Variants in GULP1 observed in about 807,000 individuals in gnomAD.
The protein encoded by GULP1 is GULP PTB domain containing engulfment adaptor 1.
A neutral mutation model predicts 40.9 loss-of-function variants in GULP1; 19 were observed. The ratio of observed to expected loss-of-function variants is 0.46; its 90% confidence interval spans 0.32 to 0.68. The LOEUF is 0.68. GULP1 is among the 30% of genes least tolerant of loss of function. GULP1 has a pLI of 0.03. For synonymous variants in GULP1, 119 were observed against 117.6 expected (o/e 1.01, Z -0.08); for missense variants, 312 against 362.2 (o/e 0.86, Z 1.12).
intron 2 of GULP1, among the ~76,000 whole-genome samples, chr2:188,442,686 G>C (rs2058042859): frequency 6.6e-6 from 1 of 152,120 alleles, no homozygotes; most frequent in Non-Finnish European, 1.5e-5. Context: ...TTCCTCATCT[G>C]TAAAATTGGG....
chr2:188,300,353 GAAT>G (rs1158291808), intron 1 of GULP1, among the ~76,000 whole-genome samples: 1 of 152,044 alleles, frequency 6.6e-6, no homozygotes, highest in Non-Finnish European at 1.5e-5. Context: ...CAATTTTTAT[GAAT>G]AATATTGAAA....
intron 6 of GULP1, among the ~76,000 whole-genome samples, chr2:188,537,372 T>C (rs956586103): frequency 2.6e-5 from 4 of 152,092 alleles, no homozygotes; most frequent in Non-Finnish European, 5.9e-5. Flanking sequence ...ATGCCTAGTT[T>C]GTACAGGGAT....
At chr2:188,487,072 AATT>A in intron 4 of GULP1, among the ~76,000 whole-genome samples, 1 of 152,088 alleles carries the variant, frequency 6.6e-6, no homozygotes, top group African/African-American at 2.4e-5. Context: ...TTAATGCAGA[AATT>A]TAAAAAATTC....
intron 1 of GULP1, among the ~76,000 whole-genome samples, chr2:188,337,105 T>C (rs1053323544): frequency 6.8e-6 from 1 of 146,820 alleles, no homozygotes; most frequent in African/African-American, 2.5e-5. Context: ...TCTATATCTA[T>C]ATCTATATCT....
chr2:188,474,579 C>T (rs565707715), intron 2 of GULP1, among the ~76,000 whole-genome samples: 77 of 152,282 alleles, frequency 5.1e-4, no homozygotes, highest in Non-Finnish European at 8.8e-4. Flanking sequence ...CTCAGAAATG[C>T]TCCTGCTGAG....
intron 7 of GULP1, among the ~76,000 whole-genome samples, chr2:188,567,416 G>A (rs1559387062): frequency 6.6e-6 from 1 of 152,082 alleles, no homozygotes; most frequent in African/African-American, 2.4e-5. Context: ...ATAAAGAAAA[G>A]GTGGTACATA....
chr2:188,373,991 A>T (rs1048692604), intron 1 of GULP1, among the ~76,000 whole-genome samples: 9 of 152,050 alleles, frequency 5.9e-5, no homozygotes, highest in African/African-American at 2.2e-4. Flanking sequence ...GATGTAATTA[A>T]TAGAATATCA....
chr2:188,320,565 G>A (rs1418131495), intron 1 of GULP1, among the ~76,000 whole-genome samples: 1 of 152,006 alleles, frequency 6.6e-6, no homozygotes, highest in Non-Finnish European at 1.5e-5. Flanking sequence ...TTACAAAAAT[G>A]TATGCATTTG....
intron 1 of GULP1, among the ~76,000 whole-genome samples, chr2:188,348,728 C>T (rs764581500): frequency 5.3e-5 from 8 of 152,260 alleles, no homozygotes; most frequent in Non-Finnish European, 1.0e-4. Flanking sequence ...CACCCAGCTT[C>T]TCCAGTGGTA....
chr2:188,513,492 T>A (rs2064822272), intron 4 of GULP1, among the ~76,000 whole-genome samples: 1 of 152,192 alleles, frequency 6.6e-6, no homozygotes, highest in African/African-American at 2.4e-5. Flanking sequence ...AATATTGTCA[T>A]TGGCCGATCA....
intron 11 of GULP1, chr2:188,592,188 A>G (rs1703695782): frequency 1.3e-5 from 2 of 151,976 alleles, no homozygotes; most frequent in African/African-American, 4.8e-5. Context: ...TTTCAGGGTA[A>G]TTGAAGTGAT....
chr2:188,470,793 GT>G (rs1318434768), intron 2 of GULP1, among the ~76,000 whole-genome samples: 1 of 152,048 alleles, frequency 6.6e-6, no homozygotes, highest in Non-Finnish European at 1.5e-5. Flanking sequence ...TATTATTTCA[GT>G]TTTTTGAATA....
At chr2:188,378,225 T>G (rs2048538016) in intron 1 of GULP1, among the ~76,000 whole-genome samples, 1 of 151,854 alleles carries the variant, frequency 6.6e-6, no homozygotes, top group Admixed American at 6.6e-5. Context: ...TACAGTCATT[T>G]TAGTCACTAC....
At chr2:188,549,049 A>G (rs915856661) in intron 7 of GULP1, among the ~76,000 whole-genome samples, 1 of 151,884 alleles carries the variant, frequency 6.6e-6, no homozygotes, top group African/African-American at 2.4e-5. Context: ...GGGCTAGGAA[A>G]AGAGTTCTTA....
chr2:188,363,103 A>T (rs1306597200), intron 1 of GULP1, among the ~76,000 whole-genome samples: 1 of 152,118 alleles, frequency 6.6e-6, no homozygotes, highest in East Asian at 1.9e-4. Context: ...AATCTTTATT[A>T]TCTTTTAAAT....
chr2:188,387,238 A>G (rs2049897349), intron 2 of GULP1, among the ~76,000 whole-genome samples: 2 of 152,210 alleles, frequency 1.3e-5, no homozygotes, highest in Non-Finnish European at 1.5e-5. Flanking sequence ...CTCCATCTAA[A>G]AAAAAAAATA....
At chr2:188,364,076 T>TG (rs2046428383) in intron 1 of GULP1, among the ~76,000 whole-genome samples, 1 of 152,188 alleles carries the variant, frequency 6.6e-6, no homozygotes, top group South Asian at 2.1e-4. Context: ...ATTTAGAACT[T>TG]GCTGACCTCC....
chr2:188,521,235 A>G (rs1405154588), intron 4 of GULP1, among the ~76,000 whole-genome samples: 1 of 152,142 alleles, frequency 6.6e-6, no homozygotes, highest in Non-Finnish European at 1.5e-5. Flanking sequence ...GTATATTTCA[A>G]TTCTAATTGG....
In GULP1 at chr2:188,428,494, G is replaced by T. The variant is rs568455271; in HGVS notation, c.-45+44605G>T. 2.6e-5 allele frequency among the ~76,000 whole-genome samples: 4 copies of T among 152,216 alleles called. No individual in the cohort carries two copies. The South Asian group carries it at 8.3e-4, about 32-fold the overall frequency. On this transcript the variant is annotated intron_variant, in intron 2 of 11. Transcript: ENST00000409830. Reference sequence around the variant, plus strand: ...TGGGAGGTGATTTGATTATGGGGTGGTGTCTCATGGTTTAACGTAATTTTC... The same window carrying T: ...TGGGAGGTGATTTGATTATGGGGTGTTGTCTCATGGTTTAACGTAATTTTC...
Sources: gnomAD v4.1 joint callset for allele counts (sites outside exome capture counted in the v4.1 genomes callset) on GRCh38, gnomAD v4.1.1 for gene constraint, MANE v1.5 for transcripts, NCBI Gene and HGNC (gene_info 2026-07-23, HGNC 2026-07-21) for gene names.